Variants in NRXN1 observed in about 807,000 individuals in gnomAD.
The protein encoded by NRXN1 is neurexin 1.
Under a neutral mutation model 150.9 loss-of-function variants are expected in NRXN1, and 39 were observed. That is an observed-to-expected ratio of 0.26 (90% CI 0.20 to 0.34). The LOEUF is 0.34. Ranked by LOEUF, NRXN1 falls within the 10% of genes least tolerant of loss-of-function variation. The pLI is 1.00. For missense variants in NRXN1, 1,815 were observed against 1,949.9 expected, an observed-to-expected ratio of 0.93 and a Z score of 1.30; for synonymous variants, 924 against 757.0, an observed-to-expected ratio of 1.22 and a Z score of -3.62.
intron 18 of NRXN1, among the ~76,000 whole-genome samples, chr2:50,230,202 T>C (rs2064808771): frequency 6.6e-6 from 1 of 152,026 alleles, no homozygotes; most frequent in Non-Finnish European, 1.5e-5. Flanking sequence ...AAAAAACTGT[T>C]CAATGACTGA....
At chr2:50,925,422 C>G (rs1002692796) in intron 3 of NRXN1, among the ~76,000 whole-genome samples, 1 of 151,832 alleles carries the variant, frequency 6.6e-6, no homozygotes, top group East Asian at 1.9e-4. Context: ...TGTCCACTGG[C>G]CAATGGCTTA....
At chr2:50,456,084 G>T (rs1387037051) in intron 17 of NRXN1, among the ~76,000 whole-genome samples, 1 of 152,042 alleles carries the variant, frequency 6.6e-6, no homozygotes, top group Non-Finnish European at 1.5e-5. Context: ...TCCCTAAAGG[G>T]TCATATGTTA....
intron 18 of NRXN1, among the ~76,000 whole-genome samples, chr2:50,165,955 T>C (rs146739264): frequency 6.6e-6 from 1 of 152,288 alleles, no homozygotes; most frequent in African/African-American, 2.4e-5. Context: ...AATCTAAGAA[T>C]GATTTGCAAT....
intron 5 of NRXN1, among the ~76,000 whole-genome samples, chr2:50,768,987 G>A (rs1702687579): frequency 6.6e-6 from 1 of 151,618 alleles, no homozygotes; most frequent in African/African-American, 2.4e-5. Context: ...GGATTTTCAG[G>A]GCATGGTCTC....
At chr2:50,857,178 C>T (rs557453819) in intron 5 of NRXN1, among the ~76,000 whole-genome samples, 1 of 151,892 alleles carries the variant, frequency 6.6e-6, no homozygotes, top group African/African-American at 2.4e-5. Context: ...ACATTTACTT[C>T]GGGGTAAAGT....
In NRXN1 at chr2:50,025,900, G is replaced by A. The variant is rs541694147; in HGVS notation, c.4128+27371C>T. 1.9e-4 allele frequency among the ~76,000 whole-genome samples: 29 copies of A among 152,270 alleles called. No individual in the cohort carries two copies. In the South Asian group the frequency reaches 6.0e-3, roughly 32 times the overall value. ...ACTCCCCAATTAATTTTGCAAATAT[G>A]AAAAGTAATGACTTTAGCCTATGTG... On this transcript the variant is annotated intron_variant, in intron 21 of 22. Coordinates refer to ENST00000401669, the MANE Select transcript of NRXN1 (RefSeq NM_001330078.2).
chr2:50,879,515 G>C (rs1336100618), intron 5 of NRXN1, among the ~76,000 whole-genome samples: 1 of 151,822 alleles, frequency 6.6e-6, no homozygotes, highest in African/African-American at 2.4e-5. Context: ...AAATGTATGT[G>C]TTAAAAAGTC....
intron 18 of NRXN1, among the ~76,000 whole-genome samples, chr2:50,162,037 A>G (rs895117880): frequency 6.6e-6 from 1 of 152,158 alleles, no homozygotes; most frequent in East Asian, 1.9e-4. Flanking sequence ...TAATCCAACC[A>G]CTTGATATGA....
In NRXN1 at chr2:50,457,702, T is replaced by TA. The variant is rs35177794; in HGVS notation, c.3364+7739dup. ...GACATATAAATGGTCAACAGGAATA[T>TA]AAAAAAAATGCTTGATATCACTAAT... On this transcript the variant is annotated intron_variant, in intron 17 of 22. Transcript: ENST00000401669. 6.4e-3 allele frequency among the ~76,000 whole-genome samples: 974 copies of TA among 151,714 alleles called. 8 individuals are homozygous for TA. Among genetic ancestry groups the TA allele is most frequent in the Non-Finnish European group, 0.01 (692 of 67,852 alleles).
chr2:50,918,262 T>C (rs756877519), intron 5 of NRXN1: 33 of 172,652 alleles, frequency 1.9e-4, no homozygotes, highest in Non-Finnish European at 8.6e-5. Context: ...CATTTGACTC[T>C]TTAAAATGGA....
intron 19 of NRXN1, among the ~76,000 whole-genome samples, chr2:50,071,297 C>A (rs17496539): frequency 2.7e-4 from 41 of 152,282 alleles, no homozygotes; most frequent in African/African-American, 8.7e-4. Context: ...CCTACACATA[C>A]TTAAAGACTG....
chr2:51,030,708 G>A (rs752408994), intron 1 of NRXN1, among the ~76,000 whole-genome samples: 5 of 152,048 alleles, frequency 3.3e-5, no homozygotes, highest in African/African-American at 7.2e-5. Flanking sequence ...TATCAAACCC[G>A]AGGAAAGAGG....
chr2:50,174,285 G>A (rs571468881), intron 18 of NRXN1, among the ~76,000 whole-genome samples: 1 of 152,084 alleles, frequency 6.6e-6, no homozygotes, highest in African/African-American at 2.4e-5. Context: ...GCCATTGACT[G>A]TCTTGTGAGT....
chr2:50,576,319 A>G (rs947596812), intron 8 of NRXN1, among the ~76,000 whole-genome samples: 10 of 152,116 alleles, frequency 6.6e-5, no homozygotes, highest in Admixed American at 5.9e-4. Flanking sequence ...ATTTCCTGGT[A>G]TATTTCCTCC....
At chr2:50,299,406 T>C (rs1712883) in intron 17 of NRXN1, among the ~76,000 whole-genome samples, 128,885 of 151,224 alleles carry the variant, frequency 0.85, 55,041 homozygotes, top group Middle Eastern at 0.89. Flanking sequence ...CTGGTCATTG[T>C]CCAATTTTTT....
At chr2:50,577,807 A>G (rs1362836907) in intron 8 of NRXN1, among the ~76,000 whole-genome samples, 1 of 152,044 alleles carries the variant, frequency 6.6e-6, no homozygotes, top group East Asian at 1.9e-4. Flanking sequence ...ATAGTGATAT[A>G]TGTGTTGGGA....
intron 21 of NRXN1, among the ~76,000 whole-genome samples, chr2:49,945,830 T>G (rs1672799002): frequency 6.6e-6 from 1 of 152,192 alleles, no homozygotes; most frequent in East Asian, 1.9e-4. Context: ...CTATTGTGAA[T>G]AGTGTGGCAA....
Position 50,169,066 on chromosome 2 carries a change from A to G in NRXN1, c.3546+67723T>C, listed in dbSNP as rs1444474355. The stretch of plus-strand genomic sequence containing the variant: ...TATCACTGTAACATAATAATAGCTC[A>G]TATTGAGCAAGTACTCTGGGCTGTG... On this transcript the variant is annotated intron_variant, in intron 18 of 22. Coordinates refer to ENST00000401669, the MANE Select transcript of NRXN1 (RefSeq NM_001330078.2). 7.2e-5 allele frequency among the ~76,000 whole-genome samples: 11 copies of G among 152,196 alleles called. 1 individual carries two copies. Among genetic ancestry groups the G allele is most frequent in the Admixed American group, 7.2e-4 (11 of 15,282 alleles).
chr2:50,368,815 T>A (rs2079793587), intron 17 of NRXN1, among the ~76,000 whole-genome samples: 1 of 151,994 alleles, frequency 6.6e-6, no homozygotes. Context: ...ATACATGAAG[T>A]GGAGTTTCCA....
Sources: allele counts gnomAD v4.1 joint callset (sites outside exome capture counted in the v4.1 genomes callset), GRCh38; gene constraint gnomAD v4.1.1; transcripts MANE v1.5; gene names NCBI Gene and HGNC (gene_info 2026-07-23, HGNC 2026-07-21).